Variants in FUCA2 observed in about 807,000 individuals in gnomAD.
FUCA2 encodes the protein plasma alpha-L-fucosidase.
A neutral mutation model predicts 52.6 loss-of-function variants in FUCA2; 41 were observed. The observed-to-expected ratio is 0.78, with a 90% CI of 0.61 to 1.01. FUCA2 has a LOEUF of 1.01. Ranked by LOEUF, FUCA2 falls within the 50% of genes least tolerant of loss-of-function variation. The probability of loss-of-function intolerance (pLI) is 0.00; values close to 1 mark genes in which losing one functional copy is unlikely to be tolerated. For synonymous variants in FUCA2, 211 were observed against 217.3 expected (o/e 0.97, Z 0.26); for missense variants, 507 against 569.5 (o/e 0.89, Z 1.12).
intron 5 of FUCA2, among the ~76,000 whole-genome samples, chr6:143,498,569 C>T (rs1240852065): frequency 1.3e-5 from 2 of 152,126 alleles, no homozygotes; most frequent in Admixed American, 1.3e-4. Flanking sequence ...CAAGAGTGTG[C>T]TCTGCCTGTT....
In FUCA2 at chr6:143,509,681, G is replaced by T. The variant is rs1031627861; in HGVS notation, c.224+1730C>A. Among the ~76,000 whole-genome samples, 1 of 152,056 alleles carries T rather than the reference G, an allele frequency of 6.6e-6. No homozygotes were observed. Among genetic ancestry groups the T allele is most frequent in the Non-Finnish European group, 1.5e-5 (1 of 68,004 alleles). ...CAAAACAAGCTCAAGATTCCTTACAGCCCAAAACATGCAAATAAAGATTTG... is the reference window on the plus strand; with the variant it reads ...CAAAACAAGCTCAAGATTCCTTACATCCCAAAACATGCAAATAAAGATTTG... On this transcript the variant is annotated intron_variant, in intron 1 of 6. Coordinates refer to ENST00000002165, the MANE Select transcript of FUCA2 (RefSeq NM_032020.5). This position sits in a 1 kb window ranked among gnomAD's most constrained non-coding sequence, Gnocchi z 5.4.
Position 143,511,539 on chromosome 6 carries a change from C to T in FUCA2, c.96G>A (p.Thr32=), listed in dbSNP as rs748841321. 6.3e-7 allele frequency: 1 copy of T among 1,583,856 alleles called. No individual in the cohort carries two copies. Among genetic ancestry groups the T allele is most frequent in the South Asian group, 1.1e-5 (1 of 87,408 alleles). Residue 32 remains threonine, a synonymous_variant, in exon 1 of 7, where the codon ACG becomes ACA. Transcript: ENST00000002165. This position sits in a 1 kb window ranked among gnomAD's most constrained non-coding sequence, Gnocchi z 6.3. ...PPPPCPAHSA[T]RFDPTWESLD... is the part of the protein sequence containing the mutation. ...GGGACTCCCAGGTGGGGTCGAAGCG[C>T]GTGGCGCTGTGGGCAGGGCACGGCG... is the stretch of plus-strand genomic sequence containing the variant.
In FUCA2 at chr6:143,502,174, A is replaced by T. The variant is rs764365788; in HGVS notation, c.964-52T>A. On this transcript the variant is annotated intron_variant, in intron 4 of 6. Transcript: ENST00000002165. This position sits in a 1 kb window ranked among gnomAD's most constrained non-coding sequence, Gnocchi z 4.1. ...GATAAATAAAATAATTCCATCTTTA[A>T]TGTGCTAATATGTTGCATTTATATA... 42 of 1,426,180 alleles carry T rather than the reference A, an allele frequency of 2.9e-5. No homozygotes were observed. The highest frequency in any genetic ancestry group is 3.9e-5 in the Non-Finnish European group (41 of 1,050,788). The allele number at this position is 1,426,180 out of a possible 1,614,324, so 88.3% of individuals were successfully genotyped here.
At chr6:143,498,804 T>C (rs1014823299) in intron 5 of FUCA2, among the ~76,000 whole-genome samples, 2 of 151,906 alleles carry the variant, frequency 1.3e-5, no homozygotes, top group Admixed American at 1.3e-4. Flanking sequence ...GGTTAAAGGG[T>C]AGAAATAGAG....
At chr6:143,508,490 C>A (rs988473778) in intron 1 of FUCA2, among the ~76,000 whole-genome samples, 1 of 152,236 alleles carries the variant, frequency 6.6e-6, no homozygotes, top group African/African-American at 2.4e-5. Context: ...GCATACTATG[C>A]GGCAGGCATG....
In FUCA2 at chr6:143,510,107, C is replaced by A. The variant is rs945351432; in HGVS notation, c.224+1304G>T. Among the ~76,000 whole-genome samples the A allele has an allele frequency of 6.6e-6, 1 of 151,980 alleles. No homozygotes were observed. The highest frequency in any genetic ancestry group is 1.5e-5 in the Non-Finnish European group (1 of 68,010). On this transcript the variant is annotated intron_variant, in intron 1 of 6. Coordinates refer to ENST00000002165, the MANE Select transcript of FUCA2 (RefSeq NM_032020.5). This position sits in a 1 kb window ranked among gnomAD's most constrained non-coding sequence, Gnocchi z 4.4. ...TGCTAAAATTTATTATTTAAGTCTC[C>A]CCACATAATTTAGTCACACAATGTC...
rs1192634504 is a variant in FUCA2, at chr6:143,511,163, AG to A, written c.224+247del. The stretch of plus-strand genomic sequence containing the variant: ...ATGCGCAACTATGAAGAAGCTGAGG[AG>A]TCAGGAGTATCTGAAAACTCTTACA... On this transcript the variant is annotated intron_variant, in intron 1 of 6. Coordinates refer to ENST00000002165, the MANE Select transcript of FUCA2 (RefSeq NM_032020.5). This position sits in a 1 kb window ranked among gnomAD's most constrained non-coding sequence, Gnocchi z 6.3. Among the ~76,000 whole-genome samples the A allele has an allele frequency of 6.6e-6, 1 of 152,230 alleles. No homozygotes were observed. Among genetic ancestry groups the A allele is most frequent in the Non-Finnish European group, 1.5e-5 (1 of 68,042 alleles).
At chr6:143,505,634 A>G (rs1780595300) in intron 2 of FUCA2, 1 of 152,162 alleles carries the variant, frequency 6.6e-6, no homozygotes, top group African/African-American at 2.4e-5. Flanking sequence ...CATTTTAATA[A>G]GCTTTTTAAA....
In FUCA2 at chr6:143,504,122, A is replaced by G. The variant is rs1310762033; in HGVS notation, c.543T>C (p.Tyr181=). The G allele has an allele frequency of 1.9e-6, 3 of 1,614,040 alleles. No homozygotes were observed. The highest frequency in any genetic ancestry group is 2.7e-5 in the African/African-American group (2 of 74,928). Residue 181 remains tyrosine (Y), a synonymous_variant, in exon 3 of 7, where the codon TAT becomes TAC. Coordinates refer to ENST00000002165, the MANE Select transcript of FUCA2 (RefSeq NM_032020.5). This position sits in a 1 kb window ranked among gnomAD's most constrained non-coding sequence, Gnocchi z 4.4. Reference sequence around the variant, plus strand: ...GCGGATGAAACCATTCAAAAAGGGAATAGTACAGTCCAAAACGCAGGTCAG... The same window carrying G: ...GCGGATGAAACCATTCAAAAAGGGAGTAGTACAGTCCAAAACGCAGGTCAG... ...NRTDLRFGLY[Y]SLFEWFHPLF...
chr6:143,498,913 C>G (rs1780498592), intron 5 of FUCA2, among the ~76,000 whole-genome samples: 3 of 151,918 alleles, frequency 2.0e-5, no homozygotes, highest in Admixed American at 2.0e-4. Context: ...TGGACAGATT[C>G]TGAATATATT....
Position 143,503,752 on chromosome 6 carries a change from A to T in FUCA2, c.752+161T>A, listed in dbSNP as rs1055010649. 7 of 581,232 alleles carry T rather than the reference A, an allele frequency of 1.2e-5. No homozygotes were observed. The highest frequency in any genetic ancestry group is 1.9e-5 in the African/African-American group (1 of 53,560). The allele number at this position is 581,232 out of a possible 1,614,324, so 36.0% of individuals were successfully genotyped here. A position where few individuals can be genotyped will look rare whatever the true frequency, so the allele number is the denominator to read the frequency against. On this transcript the variant is annotated intron_variant, in intron 3 of 6. Transcript: ENST00000002165. The surrounding 1 kb of genome is among the most constrained non-coding windows in gnomAD (Gnocchi z 4.8). The stretch of plus-strand genomic sequence containing the variant: ...GATTTATTTACCCTTGATTATGTTG[A>T]GTAAATAGTGATATATCTAATAAGT...
rs2128422808 is a variant in FUCA2, at chr6:143,509,296, C to A, written c.225-1872G>T. ...CGAAAGTCAAATTGAGAGTGAGGAG[C>A]AGAGGATACAAAGGGAAATCACAGG... On this transcript the variant is annotated intron_variant, in intron 1 of 6. Coordinates refer to ENST00000002165, the MANE Select transcript of FUCA2 (RefSeq NM_032020.5). The surrounding 1 kb of genome is among the most constrained non-coding windows in gnomAD (Gnocchi z 5.4). 6.6e-6 allele frequency among the ~76,000 whole-genome samples: 1 copy of A among 152,300 alleles called. No individual in the cohort carries two copies. Among genetic ancestry groups the A allele is most frequent in the South Asian group, 2.1e-4 (1 of 4,830 alleles).
In FUCA2 at chr6:143,499,601, G is replaced by C. The variant is rs1040205816; in HGVS notation, c.1155-2104C>G. On this transcript the variant is annotated intron_variant, in intron 5 of 6. Coordinates refer to ENST00000002165, the MANE Select transcript of FUCA2 (RefSeq NM_032020.5). The surrounding 1 kb of genome is among the most constrained non-coding windows in gnomAD (Gnocchi z 6.0). ...CAAGATTTAGAGGTTGGAAAAATGA[G>C]ATGAAATCAGCAAAGGAACTAACTA... is the stretch of plus-strand genomic sequence containing the variant. Among the ~76,000 whole-genome samples the C allele has an allele frequency of 1.3e-5, 2 of 152,148 alleles. No homozygotes were observed. The highest frequency in any genetic ancestry group is 6.5e-5 in the Admixed American group (1 of 15,278).
rs1780435120 is a variant in FUCA2 at position 143,494,948 on chromosome 6, T to TA, written c.*758dup. 1 of 135,788 alleles carries TA rather than the reference T, an allele frequency of 7.4e-6. No individual in the cohort carries two copies. Among genetic ancestry groups the TA allele is most frequent in the Non-Finnish European group, 1.8e-5 (1 of 56,796 alleles). The allele number at this position is 135,788 out of a possible 1,614,324, so 8.4% of individuals were successfully genotyped here. On this transcript the variant is annotated 3_prime_UTR_variant, in exon 7 of 7. Coordinates refer to ENST00000002165, the MANE Select transcript of FUCA2 (RefSeq NM_032020.5). This position sits in a 1 kb window ranked among gnomAD's most constrained non-coding sequence, Gnocchi z 6.6. ...AATTGAAGAAAGAAAAACTTTTTTT[T>TA]ATAAATGTAGTGTAGCCTAAGCATA...
chr6:143,508,840 T>C (rs1780645853), intron 1 of FUCA2, among the ~76,000 whole-genome samples: 1 of 152,206 alleles, frequency 6.6e-6, no homozygotes, highest in South Asian at 2.1e-4. Context: ...TTATACCTTT[T>C]AGTTGGGTTT....
At position 143,510,842 on chromosome 6, in the gene FUCA2, A is replaced by G. The variant is rs1584031700; in HGVS notation, c.224+569T>C. On this transcript the variant is annotated intron_variant, in intron 1 of 6. Coordinates refer to ENST00000002165, the MANE Select transcript of FUCA2 (RefSeq NM_032020.5). The surrounding 1 kb of genome is among the most constrained non-coding windows in gnomAD (Gnocchi z 4.4). Reference sequence around the variant, plus strand: ...TGTGTAGCACCTTTCATACGGCAGTATGATAACTGGGTTGTGTTAAGAGTA... The same window carrying G: ...TGTGTAGCACCTTTCATACGGCAGTGTGATAACTGGGTTGTGTTAAGAGTA... 6.8e-6 allele frequency among the ~76,000 whole-genome samples: 1 copy of G among 147,512 alleles called. No homozygotes were observed. The highest frequency in any genetic ancestry group is 1.5e-5 in the Non-Finnish European group (1 of 67,658).
chr6:143,502,334 C>A lies in FUCA2; in HGVS notation c.963+21G>T, dbSNP rs1233009899. On this transcript the variant is annotated intron_variant, in intron 4 of 6. Coordinates refer to ENST00000002165, the MANE Select transcript of FUCA2 (RefSeq NM_032020.5). The surrounding 1 kb of genome is among the most constrained non-coding windows in gnomAD (Gnocchi z 4.1). Reference sequence around the variant, plus strand: ...ACTATTAAGAATATTATGTTAATAGCCACCAGACATTTCACTGTACCTTCA... The same window carrying A: ...ACTATTAAGAATATTATGTTAATAGACACCAGACATTTCACTGTACCTTCA... 2 of 1,601,010 alleles carry A rather than the reference C, an allele frequency of 1.2e-6. No homozygotes were observed. The highest frequency in any genetic ancestry group is 1.7e-5 in the Admixed American group (1 of 59,774).
In FUCA2 at chr6:143,501,138, G is replaced by T. The variant is rs1780521278; in HGVS notation, c.1154+794C>A. Among the ~76,000 whole-genome samples, 1 of 152,142 alleles carries T rather than the reference G, an allele frequency of 6.6e-6. No homozygotes were observed. Among genetic ancestry groups the T allele is most frequent in the Non-Finnish European group, 1.5e-5 (1 of 68,034 alleles). On this transcript the variant is annotated intron_variant, in intron 5 of 6. Transcript: ENST00000002165. The surrounding 1 kb of genome is among the most constrained non-coding windows in gnomAD (Gnocchi z 6.1). ...CTATTCTCTGTCACATGAGAGATTG[G>T]TATTGAGTTCTCATTATGGCTTCTC...
chr6:143,507,583 C>A lies in FUCA2; in HGVS notation c.225-159G>T, dbSNP rs9484756. Among the ~76,000 whole-genome samples, 4,550 of 152,126 alleles carry A rather than the reference C, an allele frequency of 0.03. 169 individuals are homozygous for A. The highest frequency in any genetic ancestry group is 0.1 in the Admixed American group (1,558 of 15,276). On this transcript the variant is annotated intron_variant, in intron 1 of 6. Coordinates refer to ENST00000002165, the MANE Select transcript of FUCA2 (RefSeq NM_032020.5). The surrounding 1 kb of genome is among the most constrained non-coding windows in gnomAD (Gnocchi z 4.5). Reference sequence around the variant, plus strand: ...GACTTGGCTTTAAAGATAGCTTATGCAAACTAAACCCCCTCTCATTTTCCA... The same window carrying A: ...GACTTGGCTTTAAAGATAGCTTATGAAAACTAAACCCCCTCTCATTTTCCA...
Sources: gnomAD v4.1 joint callset for allele counts (sites outside exome capture counted in the v4.1 genomes callset) on GRCh38, gnomAD v4.1.1 for gene constraint, Gnocchi (gnomAD v3.1) non-coding constraint, MANE v1.5 for transcripts, NCBI Gene and HGNC (gene_info 2026-07-23, HGNC 2026-07-21) for gene names.